Variants in PRKCA observed in about 807,000 individuals in gnomAD.
PRKCA encodes protein kinase C alpha, also known as protein kinase C alpha type.
Under a neutral mutation model 87.0 loss-of-function variants are expected in PRKCA, and 27 were observed. That is an observed-to-expected ratio of 0.31 (90% CI 0.23 to 0.43). The LOEUF is 0.43. Ranked by LOEUF, PRKCA falls within the 20% of genes least tolerant of loss-of-function variation. PRKCA has a pLI of 1.00. For synonymous variants in PRKCA, 329 were observed against 311.1 expected, an observed-to-expected ratio of 1.06 and a Z score of -0.61; for missense variants, 518 against 852.3, an observed-to-expected ratio of 0.61 and a Z score of 4.88.
At chr17:66,370,684 G>T (rs1909055197) in intron 2 of PRKCA, among the ~76,000 whole-genome samples, 1 of 151,594 alleles carries the variant, frequency 6.6e-6, no homozygotes, top group African/African-American at 2.4e-5. Context: ...CCAAGTAGCT[G>T]GGACTACAGG....
At chr17:66,625,782 G>A (rs16959762) in intron 3 of PRKCA, among the ~76,000 whole-genome samples, 4,394 of 152,232 alleles carry the variant, frequency 0.029, 192 homozygotes, top group African/African-American at 0.098. Context: ...GGTCAGGCCC[G>A]TTAATTGAGT....
At chr17:66,531,951 G>A (rs553786544) in intron 3 of PRKCA, among the ~76,000 whole-genome samples, 7 of 152,200 alleles carry the variant, frequency 4.6e-5, no homozygotes, top group South Asian at 2.1e-4. Flanking sequence ...AGCTGTGTTC[G>A]GCTTCTAGGC....
At chr17:66,741,525 G>T in intron 11 of PRKCA, 134 bp from the exon 12 acceptor site, 1 of 854,914 alleles carries the variant, frequency 1.2e-6, no homozygotes, top group Non-Finnish European at 1.8e-6. Flanking sequence ...GGGGTTGGAA[G>T]AACACGATGC....
chr17:66,648,366 A>G (rs1376822702), intron 5 of PRKCA, among the ~76,000 whole-genome samples: 2 of 152,242 alleles, frequency 1.3e-5, no homozygotes, highest in African/African-American at 4.8e-5. Flanking sequence ...CCGCTTTCTA[A>G]GTACTTTATG....
At chr17:66,761,462 G>A (rs994525025) in intron 13 of PRKCA, among the ~76,000 whole-genome samples, 6 of 151,592 alleles carry the variant, frequency 4.0e-5, no homozygotes, top group Admixed American at 2.0e-4. Flanking sequence ...TTTATTTGGC[G>A]GTGGTTGTTG....
intron 4 of PRKCA, among the ~76,000 whole-genome samples, chr17:66,644,992 G>GA (rs3217111): frequency 9.7e-4 from 122 of 125,934 alleles, no homozygotes; most frequent in Non-Finnish European, 1.0e-3. Flanking sequence ...CCTGTCTGAA[G>GA]AAAAAAAAAA....
chr17:66,713,819 G>A (rs1049504704), intron 8 of PRKCA, among the ~76,000 whole-genome samples: 4 of 152,122 alleles, frequency 2.6e-5, no homozygotes, highest in South Asian at 2.1e-4. Flanking sequence ...GGTTTTCTCT[G>A]TTGACAGGCT....
intron 3 of PRKCA, among the ~76,000 whole-genome samples, chr17:66,584,720 T>G (rs1969541582): frequency 6.6e-6 from 1 of 152,150 alleles, no homozygotes; most frequent in African/African-American, 2.4e-5. Context: ...TGCCAATGTC[T>G]TCACACGGCC....
At chr17:66,560,559 A>T (rs980359413) in intron 3 of PRKCA, among the ~76,000 whole-genome samples, 1 of 152,094 alleles carries the variant, frequency 6.6e-6, no homozygotes, top group Non-Finnish European at 1.5e-5. Flanking sequence ...CATCTCCTGG[A>T]ATCTCTGTTT....
At chr17:66,756,374 GTGAAGGTC>G (rs1974548270) in intron 13 of PRKCA, among the ~76,000 whole-genome samples, 1 of 151,962 alleles carries the variant, frequency 6.6e-6, no homozygotes, top group Non-Finnish European at 1.5e-5. Context: ...AGAAGCACTT[GTGAAGGTC>G]ACAATCCACA....
intron 2 of PRKCA, among the ~76,000 whole-genome samples, chr17:66,425,342 C>T (rs1371648388): frequency 6.6e-6 from 1 of 152,122 alleles, no homozygotes; most frequent in African/African-American, 2.4e-5. Flanking sequence ...TTTGATCGCA[C>T]TGCTCAGGCT....
chr17:66,679,964 A>T (rs1485435814), intron 5 of PRKCA, among the ~76,000 whole-genome samples: 1 of 152,224 alleles, frequency 6.6e-6, no homozygotes, highest in East Asian at 1.9e-4. Flanking sequence ...ATGGATCTAA[A>T]GTCCTTTGAG....
chr17:66,549,137 G>T (rs1282103505), intron 3 of PRKCA, among the ~76,000 whole-genome samples: 1 of 144,090 alleles, frequency 6.9e-6, no homozygotes, highest in Non-Finnish European at 1.5e-5. Flanking sequence ...CCAAGTTTAT[G>T]GCAGTTTTTT....
chr17:66,314,390 T>TA lies in PRKCA; in HGVS notation c.205+8270dup, dbSNP rs999524126. On this transcript the variant is annotated intron_variant, in intron 2 of 16. Transcript: ENST00000413366. Reference sequence around the variant, plus strand: ...CTAGTAGAAATTGCTATAACTGCATTAAAAAAACTCTTTATTAAATTATAC... The same window carrying TA: ...CTAGTAGAAATTGCTATAACTGCATTAAAAAAAACTCTTTATTAAATTATAC... Among the ~76,000 whole-genome samples, 21 of 152,124 alleles carry TA rather than the reference T, an allele frequency of 1.4e-4. No homozygotes were observed. The South Asian group carries it at 3.9e-3, about 29-fold the overall frequency.
intron 3 of PRKCA, among the ~76,000 whole-genome samples, chr17:66,500,252 C>T (rs1206408391): frequency 6.6e-6 from 1 of 152,184 alleles, no homozygotes; most frequent in East Asian, 1.9e-4. Context: ...AGCAAGAGAC[C>T]TATGACTAGG....
At chr17:66,470,631 G>A (rs936063019) in intron 2 of PRKCA, among the ~76,000 whole-genome samples, 2 of 152,104 alleles carry the variant, frequency 1.3e-5, no homozygotes, top group Non-Finnish European at 2.9e-5. Flanking sequence ...AATTCCCCAC[G>A]TGTCAATGCA....
At chr17:66,388,279 T>A (rs1910173315) in intron 2 of PRKCA, among the ~76,000 whole-genome samples, 1 of 152,008 alleles carries the variant, frequency 6.6e-6, no homozygotes, top group South Asian at 2.1e-4. Context: ...GATATCTGAG[T>A]CCATCGATAC....
At chr17:66,777,290 A>G (rs1975077816) in intron 14 of PRKCA, 1 of 985,244 alleles carries the variant, frequency 1.0e-6, no homozygotes, top group Non-Finnish European at 1.2e-6. Context: ...GTCTTTCATT[A>G]TATTTCCTAA....
At chr17:66,705,394 T>C (rs776839268) in intron 8 of PRKCA, among the ~76,000 whole-genome samples, 1 of 152,170 alleles carries the variant, frequency 6.6e-6, no homozygotes, top group Non-Finnish European at 1.5e-5. Context: ...GTACAGAATT[T>C]CTCATGAGTC....
Sources: allele counts gnomAD v4.1 joint callset (sites outside exome capture counted in the v4.1 genomes callset), GRCh38; gene constraint gnomAD v4.1.1; transcripts MANE v1.5; gene names NCBI Gene and HGNC (gene_info 2026-07-23, HGNC 2026-07-21).